The following LRRC56 variants were observed in gnomAD, a reference collection of about 807,000 sequenced individuals.
The protein encoded by LRRC56 is leucine rich repeat containing 56.
Under a neutral mutation model 47.8 loss-of-function variants are expected in LRRC56, and 41 were observed. The observed-to-expected ratio is 0.86, with a 90% CI of 0.67 to 1.11. LRRC56 has a LOEUF of 1.11. Ranked by LOEUF, LRRC56 falls within the 50% of genes most tolerant of loss-of-function variation. The probability of loss-of-function intolerance (pLI) is 0.00; values close to 1 mark genes in which losing one functional copy is unlikely to be tolerated. For synonymous variants in LRRC56, 387 were observed against 311.2 expected (o/e 1.24, Z -2.56); for missense variants, 759 against 704.2 (o/e 1.08, Z -0.88).
At chr11:506,961 G>GCCCCGCCCGA in the LRRC56 span, 1 of 152,148 alleles carries the variant, frequency 6.6e-6, no homozygotes, top group Non-Finnish European at 1.5e-5. Context: ...CCGGACCCCT[G>GCCCCGCCCGA]CCCCGCCCGA....
rs1419535546 is a variant in LRRC56 at position 554,173 on chromosome 11, G to A, written c.1526G>A (p.Ser509Asn). 1.3e-6 allele frequency: 2 copies of A among 1,578,878 alleles called. No homozygotes were observed. The highest frequency in any genetic ancestry group is 2.7e-5 in the African/African-American group (2 of 74,272). ...GCCCTGGAGGTGGCCTCACGCCTGA[G>A]CCCTCGAGCCCAGGGATGTCCTGGC... is the stretch of plus-strand genomic sequence containing the variant. ...LRALEVASRL[S>N]PRAQGCPGPK... The change falls in exon 14 of 14, where the codon AGC becomes AAC. Residue 509 changes from serine to asparagine, a missense_variant. Coordinates refer to ENST00000270115, the MANE Select transcript of LRRC56 (RefSeq NM_198075.4).
At chr11:540,928 C>G (rs1273979959) in intron 4 of LRRC56, 67 bp downstream of exon 4, 2 of 1,305,536 alleles carry the variant, frequency 1.5e-6, no homozygotes, top group Admixed American at 2.6e-5. Flanking sequence ...GGGCTCCTTC[C>G]TGCTGATGGT....
At chr11:529,824 C>A in the LRRC56 span, 2 of 152,220 alleles carry the variant, frequency 1.3e-5, no homozygotes, top group Admixed American at 6.5e-5. Flanking sequence ...AGCTGGCTCT[C>A]CCCTGCCCAT....
chr11:508,757 ACT>A, the LRRC56 span, among the ~76,000 whole-genome samples: 1 of 126,894 alleles, frequency 7.9e-6, no homozygotes, highest in African/African-American at 3.1e-5. Flanking sequence ...ACAAGATGAA[ACT>A]CTGGCTGGGC....
intron 6 of LRRC56, among the ~76,000 whole-genome samples, chr11:545,661 A>C (rs1302137278): frequency 6.6e-6 from 1 of 152,222 alleles, no homozygotes; most frequent in African/African-American, 2.4e-5. Flanking sequence ...GCAACTCACA[A>C]CATTCGGAGC....
At chr11:551,546 C>A in intron 9 of LRRC56, 105 bp from the exon 10 acceptor site, 1 of 1,252,740 alleles carries the variant, frequency 8.0e-7, no homozygotes, top group Non-Finnish European at 1.1e-6. Context: ...AGAGGCCAGC[C>A]TCAGGCCATG....
chr11:553,704 G>A (rs1360653983), intron 13 of LRRC56, among the ~76,000 whole-genome samples: 3 of 152,196 alleles, frequency 2.0e-5, no homozygotes, highest in East Asian at 3.9e-4. Context: ...TCCTTCTCAG[G>A]GACAGGACAC....
At chr11:518,549 TC>T in the LRRC56 span, among the ~76,000 whole-genome samples, 1 of 152,038 alleles carries the variant, frequency 6.6e-6, no homozygotes, top group Admixed American at 6.6e-5. Context: ...GGTCTCCAAC[TC>T]CTGACTTCGT....
chr11:540,878 G>C lies in LRRC56; in HGVS notation c.177+17G>C. 6.5e-7 allele frequency: 1 copy of C among 1,527,326 alleles called. No individual in the cohort carries two copies. The allele number at this position is 1,527,326 out of a possible 1,614,324, so 94.6% of individuals were successfully genotyped here. Reference sequence around the variant, plus strand: ...GCCCGGCTGGTGAGTGTGGGCGCTGGGGGCTGTGGCCACAGAGGCCTCCGT... The same window carrying C: ...GCCCGGCTGGTGAGTGTGGGCGCTGCGGGCTGTGGCCACAGAGGCCTCCGT... On this transcript the variant is annotated intron_variant, in intron 4 of 13. Coordinates refer to ENST00000270115, the MANE Select transcript of LRRC56 (RefSeq NM_198075.4).
chr11:552,232 G>C lies in LRRC56; in HGVS notation c.1181G>C (p.Arg394Pro). The change falls in exon 12 of 14, where the codon CGC (arginine) becomes CCC (proline). Residue 394 changes from arginine (R) to proline (P), a missense_variant and splice_region_variant. Transcript: ENST00000270115. ...GLRAWREHGV[R>P]PLPYRHPESQ... is the part of the protein sequence containing the mutation. ...AGGGCCTGGAGGGAACATGGCGTGCGGTGGGTGTCCCTCCAGCTCTTCCAC... is the reference window on the plus strand; with the variant it reads ...AGGGCCTGGAGGGAACATGGCGTGCCGTGGGTGTCCCTCCAGCTCTTCCAC... 1 of 1,608,140 alleles carries C rather than the reference G, an allele frequency of 6.2e-7. No homozygotes were observed. The highest frequency in any genetic ancestry group is 8.5e-7 in the Non-Finnish European group (1 of 1,176,556).
intron 13 of LRRC56, 81 bp from the exon 14 acceptor site, chr11:553,882 G>C: frequency 7.7e-7 from 1 of 1,294,408 alleles, no homozygotes; most frequent in African/African-American, 1.5e-5. Flanking sequence ...GCAGGGCCAC[G>C]GGTGGGCTGT....
the LRRC56 span, among the ~76,000 whole-genome samples, chr11:527,449 G>T: frequency 6.6e-6 from 1 of 152,156 alleles, no homozygotes; most frequent in Admixed American, 6.5e-5. Context: ...CCTGCCCACG[G>T]CCACCCTACT....
chr11:553,917 T>C, intron 13 of LRRC56, 46 bp from the exon 14 acceptor site: 5 of 1,574,690 alleles, frequency 3.2e-6, no homozygotes, highest in Non-Finnish European at 4.3e-6. Flanking sequence ...GTGACTCCCT[T>C]CCCTGACAGC....
intron 3 of LRRC56, 115 bp from the exon 4 acceptor site, chr11:540,559 G>T: frequency 1.2e-6 from 1 of 846,280 alleles, no homozygotes; most frequent in Non-Finnish European, 1.8e-6. Context: ...GGGGGTGGGT[G>T]CCAAGGGCTT....
At chr11:520,344 G>A in the LRRC56 span, among the ~76,000 whole-genome samples, 1 of 151,974 alleles carries the variant, frequency 6.6e-6, no homozygotes, top group African/African-American at 2.4e-5. Flanking sequence ...TTTTTTATGG[G>A]GAATCTCGCT....
At chr11:520,757 C>G in the LRRC56 span, among the ~76,000 whole-genome samples, 3 of 152,288 alleles carry the variant, frequency 2.0e-5, no homozygotes, top group East Asian at 5.8e-4. Context: ...GAGGCCTCTG[C>G]CGCCTGAGTT....
the LRRC56 span, among the ~76,000 whole-genome samples, chr11:516,874 C>G: frequency 3.3e-5 from 5 of 152,208 alleles, no homozygotes; most frequent in African/African-American, 1.2e-4. Flanking sequence ...CCTCTCCCTT[C>G]GGTCTCCCTC....
At chr11:514,214 G>A in the LRRC56 span, among the ~76,000 whole-genome samples, 3 of 147,792 alleles carry the variant, frequency 2.0e-5, no homozygotes, top group South Asian at 2.2e-4. Context: ...GGCTGGTCTC[G>A]AACTCCTGGC....
intron 6 of LRRC56, among the ~76,000 whole-genome samples, chr11:545,429 G>C (rs921440338): frequency 1.3e-5 from 2 of 152,170 alleles, no homozygotes; most frequent in African/African-American, 4.8e-5. Context: ...CCACCAGCCA[G>C]AACCTGCACG....
Sources: gnomAD v4.1 joint callset for allele counts (sites outside exome capture counted in the v4.1 genomes callset) on GRCh38, gnomAD v4.1.1 for gene constraint, MANE v1.5 for transcripts, NCBI Gene and HGNC (gene_info 2026-07-23, HGNC 2026-07-21) for gene names.